STAC: variants seen among roughly 807,000 people sequenced by gnomAD.
STAC encodes SH3 and cysteine rich domain, also known as SH3 and cysteine-rich domain-containing protein.
Under a neutral mutation model 48.8 loss-of-function variants are expected in STAC, and 43 were observed. That is an observed-to-expected ratio of 0.88 (90% CI 0.69 to 1.14). The LOEUF (loss-of-function observed/expected upper bound fraction) is 1.14, where lower values mean the gene tolerates loss of function less well. Ranked by LOEUF, STAC falls within the 50% of genes most tolerant of loss-of-function variation. The pLI is 0.00. For synonymous variants in STAC, 193 were observed against 179.5 expected (o/e 1.07, Z -0.60); for missense variants, 497 against 504.0 (o/e 0.99, Z 0.13).
rs186477913 is a variant in STAC, at chr3:36,481,426, G to A, written c.389-1566G>A. On this transcript the variant is annotated intron_variant, in intron 2 of 10. Coordinates refer to ENST00000273183, the MANE Select transcript of STAC (RefSeq NM_003149.3). Reference sequence around the variant, plus strand: ...ATTGAGTTGGAGGAGGACAAAAAGAGATGAAGCAGTGAGACTGGCTAGATG... The same window carrying A: ...ATTGAGTTGGAGGAGGACAAAAAGAAATGAAGCAGTGAGACTGGCTAGATG... Among the ~76,000 whole-genome samples, 107 of 152,332 alleles carry A rather than the reference G, an allele frequency of 7.0e-4. No individual in the cohort carries two copies. The South Asian group carries it at 0.017, about 24-fold the overall frequency.
intron 2 of STAC, among the ~76,000 whole-genome samples, chr3:36,453,229 G>A (rs570904930): frequency 1.3e-5 from 2 of 152,366 alleles, no homozygotes; most frequent in Admixed American, 1.3e-4. Context: ...CTCTGCCTGG[G>A]CTCCTACTTT....
At chr3:36,481,529 G>A (rs1263961741) in intron 2 of STAC, among the ~76,000 whole-genome samples, 3 of 152,266 alleles carry the variant, frequency 2.0e-5, no homozygotes, top group East Asian at 1.9e-4. Context: ...TGGCTGTGCT[G>A]TACAGTGGGG....
chr3:36,534,760 G>A (rs1051812094), intron 10 of STAC, among the ~76,000 whole-genome samples: 1 of 151,712 alleles, frequency 6.6e-6, no homozygotes, highest in African/African-American at 2.4e-5. Context: ...TCACTCCCTA[G>A]GCTCAGGTAA....
chr3:36,528,694 A>T lies in STAC; in HGVS notation c.921-2A>T. On this transcript the variant is annotated splice_acceptor_variant, in intron 8 of 10. Coordinates refer to ENST00000273183, the MANE Select transcript of STAC (RefSeq NM_003149.3). LOFTEE classifies it high-confidence loss of function. ...ACCTAACTCATTCATTCTTCATTTT[A>T]GGCCAGGAGACATAATTACTCTTTT... 2 of 1,588,294 alleles carry T rather than the reference A, an allele frequency of 1.3e-6. No homozygotes were observed. The highest frequency in any genetic ancestry group is 1.7e-6 in the Non-Finnish European group (2 of 1,169,466).
At chr3:36,516,069 C>A (rs1461391417) in intron 8 of STAC, among the ~76,000 whole-genome samples, 1 of 147,678 alleles carries the variant, frequency 6.8e-6, no homozygotes, top group Non-Finnish European at 1.5e-5. Context: ...CTGCAACCTC[C>A]ACCTCCCAGG....
chr3:36,420,892 A>T (rs1442299867), intron 1 of STAC, among the ~76,000 whole-genome samples: 1 of 152,230 alleles, frequency 6.6e-6, no homozygotes, highest in African/African-American at 2.4e-5. Flanking sequence ...CCATGTTTAA[A>T]TTATTCCAAG....
At chr3:36,470,438 A>G (rs1330844500) in intron 2 of STAC, among the ~76,000 whole-genome samples, 1 of 152,230 alleles carries the variant, frequency 6.6e-6, no homozygotes, top group African/African-American at 2.4e-5. Flanking sequence ...TCTTTCAGCT[A>G]TGGATTCCAG....
chr3:36,407,331 C>T (rs112002610), intron 1 of STAC, among the ~76,000 whole-genome samples: 23 of 152,272 alleles, frequency 1.5e-4, no homozygotes, highest in East Asian at 9.6e-4. Flanking sequence ...TTTCCTGCTG[C>T]GTAAATATGA....
intron 1 of STAC, among the ~76,000 whole-genome samples, chr3:36,430,484 C>CAGGT (rs1700674166): frequency 6.6e-6 from 1 of 152,182 alleles, no homozygotes; most frequent in Admixed American, 6.5e-5. Flanking sequence ...ACAATCTGCC[C>CAGGT]AGGTTTCCAT....
chr3:36,494,461 C>T (rs1174694545), intron 6 of STAC, among the ~76,000 whole-genome samples: 5 of 152,184 alleles, frequency 3.3e-5, no homozygotes, highest in East Asian at 1.9e-4. Flanking sequence ...ATTCCTCATT[C>T]GATACCACAT....
chr3:36,524,185 A>C (rs1467960615), intron 8 of STAC, among the ~76,000 whole-genome samples: 2 of 152,192 alleles, frequency 1.3e-5, no homozygotes, highest in African/African-American at 4.8e-5. Context: ...CCCAGAGTAC[A>C]AGAGCCCCCA....
At chr3:36,470,901 GT>G (rs1242479011) in intron 2 of STAC, among the ~76,000 whole-genome samples, 1 of 152,186 alleles carries the variant, frequency 6.6e-6, no homozygotes, top group Non-Finnish European at 1.5e-5. Context: ...AAATTTTCAC[GT>G]TACCTACTTT....
intron 10 of STAC, among the ~76,000 whole-genome samples, chr3:36,544,197 C>G (rs1184792305): frequency 6.6e-6 from 1 of 152,104 alleles, no homozygotes; most frequent in Non-Finnish European, 1.5e-5. Context: ...AATGGCAGGT[C>G]TCAGCTTTGC....
chr3:36,535,013 T>A (rs1426000605), intron 10 of STAC, among the ~76,000 whole-genome samples: 1 of 152,130 alleles, frequency 6.6e-6, no homozygotes, highest in Non-Finnish European at 1.5e-5. Context: ...TAAAATACCA[T>A]AAAACATTTC....
At chr3:36,486,361 A>G in intron 5 of STAC, 112 bp downstream of exon 5, 2 of 875,140 alleles carry the variant, frequency 2.3e-6, no homozygotes, top group Non-Finnish European at 3.4e-6. Context: ...GCAGGTCTGC[A>G]GGGAGTCAGG....
intron 6 of STAC, among the ~76,000 whole-genome samples, chr3:36,503,153 G>A (rs1324162836): frequency 3.3e-5 from 5 of 152,062 alleles, no homozygotes; most frequent in African/African-American, 1.2e-4. Context: ...GAAGAATAAA[G>A]CAGCAATGTA....
chr3:36,490,282 AG>A (rs1179788761), intron 5 of STAC, among the ~76,000 whole-genome samples: 1 of 152,140 alleles, frequency 6.6e-6, no homozygotes, highest in East Asian at 1.9e-4. Flanking sequence ...GGGAGTGAGG[AG>A]GGCCATTGCT....
In STAC at chr3:36,518,477, T is replaced by C. The variant is rs375961371; in HGVS notation, c.921-10219T>C. On this transcript the variant is annotated intron_variant, in intron 8 of 10. Transcript: ENST00000273183. ...GAGAGGAAAAGAGGGAACTGCTCTT[T>C]CAGTATTATTAAATCCTAAAATAAA... is the stretch of plus-strand genomic sequence containing the variant. Among the ~76,000 whole-genome samples the C allele has an allele frequency of 1.1e-3, 165 of 152,326 alleles. 1 individual carries two copies. In the South Asian group the frequency reaches 0.032, roughly 30 times the overall value.
At chr3:36,535,647 A>T (rs1699180091) in intron 10 of STAC, among the ~76,000 whole-genome samples, 1 of 152,182 alleles carries the variant, frequency 6.6e-6, no homozygotes, top group African/African-American at 2.4e-5. Flanking sequence ...CGTTCCTTCA[A>T]TACCTAGTTT....
Sources: allele counts gnomAD v4.1 joint callset (sites outside exome capture counted in the v4.1 genomes callset), GRCh38; gene constraint gnomAD v4.1.1; transcripts MANE v1.5; gene names NCBI Gene and HGNC (gene_info 2026-07-23, HGNC 2026-07-21).